Variants in SORCS2 observed in about 807,000 individuals in gnomAD.
SORCS2 encodes VPS10 domain-containing receptor SorCS2.
A neutral mutation model predicts 141.6 loss-of-function variants in SORCS2; 100 were observed. The ratio of observed to expected loss-of-function variants is 0.71; its 90% confidence interval spans 0.60 to 0.83. SORCS2 has a LOEUF of 0.83. Among genes scored for constraint, SORCS2 ranks in the 40% least tolerant of loss-of-function variants. The pLI is 0.00. For missense variants in SORCS2, 1,646 were observed against 1,560.2 expected (o/e 1.05, Z -0.93); for synonymous variants, 789 against 676.9 (o/e 1.17, Z -2.57).
At chr4:7,232,558 A>G (rs1398592163) in intron 1 of SORCS2, among the ~76,000 whole-genome samples, 3 of 152,164 alleles carry the variant, frequency 2.0e-5, no homozygotes, top group Admixed American at 6.5e-5. Flanking sequence ...TTTCCTGCCA[A>G]GCCTCGTGGT....
At chr4:7,519,935 C>G (rs1275263917) in intron 2 of SORCS2, among the ~76,000 whole-genome samples, 1 of 152,234 alleles carries the variant, frequency 6.6e-6, no homozygotes, top group East Asian at 1.9e-4. Flanking sequence ...GCATCAGTCA[C>G]TTGTAAAGGA....
intron 1 of SORCS2, among the ~76,000 whole-genome samples, chr4:7,278,076 G>T (rs2108853832): frequency 6.6e-6 from 1 of 152,322 alleles, no homozygotes; most frequent in Non-Finnish European, 1.5e-5. Context: ...ATTGGCTGAA[G>T]ATTGCAGAGC....
chr4:7,405,142 T>C (rs1017951542), intron 2 of SORCS2, among the ~76,000 whole-genome samples: 1 of 152,176 alleles, frequency 6.6e-6, no homozygotes, highest in Non-Finnish European at 1.5e-5. Flanking sequence ...TTTGTCAGCT[T>C]TGGCAAAAAT....
At chr4:7,551,107 C>T (rs1276319740) in intron 3 of SORCS2, among the ~76,000 whole-genome samples, 2 of 152,226 alleles carry the variant, frequency 1.3e-5, no homozygotes, top group Non-Finnish European at 2.9e-5. Context: ...CCATTGATTG[C>T]TTGCCATTTG....
chr4:7,333,969 C>A (rs1252331966), intron 1 of SORCS2, among the ~76,000 whole-genome samples: 1 of 152,062 alleles, frequency 6.6e-6, no homozygotes, highest in East Asian at 1.9e-4. Flanking sequence ...GGCCTAGCCT[C>A]CATACTCAGC....
intron 1 of SORCS2, among the ~76,000 whole-genome samples, chr4:7,388,494 A>G (rs958156179): frequency 6.6e-6 from 1 of 152,146 alleles, no homozygotes; most frequent in Non-Finnish European, 1.5e-5. Flanking sequence ...TCCAAATGTC[A>G]TGACTACTAA....
At chr4:7,300,931 C>G (rs1200835319) in intron 1 of SORCS2, among the ~76,000 whole-genome samples, 1 of 152,190 alleles carries the variant, frequency 6.6e-6, no homozygotes, top group East Asian at 1.9e-4. Flanking sequence ...CTTCCTGCCT[C>G]CGTGCCTGGG....
In SORCS2 at chr4:7,648,467, G is replaced by A. The variant is rs914877593; in HGVS notation, c.814-5667G>A. ...GCAGCGACCTTGGGACTCAGCCCCCGCCTTCCTCTGCCTGGGAGTATTTAT... is the reference window on the plus strand; with the variant it reads ...GCAGCGACCTTGGGACTCAGCCCCCACCTTCCTCTGCCTGGGAGTATTTAT... On this transcript the variant is annotated intron_variant, in intron 4 of 26. Transcript: ENST00000507866. This position sits in a 1 kb window ranked among gnomAD's most constrained non-coding sequence, Gnocchi z 4.2. Among the ~76,000 whole-genome samples, 8 of 152,152 alleles carry A rather than the reference G, an allele frequency of 5.3e-5. No individual in the cohort carries two copies. The highest frequency in any genetic ancestry group is 2.1e-4 in the South Asian group (1 of 4,830).
intron 1 of SORCS2, among the ~76,000 whole-genome samples, chr4:7,257,880 A>G (rs1714014106): frequency 6.6e-6 from 1 of 152,134 alleles, no homozygotes; most frequent in Admixed American, 6.5e-5. Flanking sequence ...GATGGGAGGA[A>G]GGCGAGGATG....
At chr4:7,202,553 G>C (rs570919174) in intron 1 of SORCS2, among the ~76,000 whole-genome samples, 53 of 152,312 alleles carry the variant, frequency 3.5e-4, no homozygotes, top group African/African-American at 1.2e-3. Flanking sequence ...TGCAAAAGCA[G>C]ATAATTTCCT....
intron 2 of SORCS2, among the ~76,000 whole-genome samples, chr4:7,440,887 G>A (rs1727617854): frequency 1.3e-5 from 2 of 152,314 alleles, no homozygotes; most frequent in Admixed American, 1.3e-4. Flanking sequence ...GGGTACTAGG[G>A]GCTCAATGGG....
At chr4:7,294,651 CT>C (rs1716834896) in intron 1 of SORCS2, among the ~76,000 whole-genome samples, 3 of 144,064 alleles carry the variant, frequency 2.1e-5, no homozygotes, top group African/African-American at 5.2e-5. Context: ...TTTCCTCCCC[CT>C]CTCCCTCTTC....
At chr4:7,341,597 G>A (rs915828781) in intron 1 of SORCS2, among the ~76,000 whole-genome samples, 1 of 152,226 alleles carries the variant, frequency 6.6e-6, no homozygotes, top group Non-Finnish European at 1.5e-5. Context: ...AGGCCAGAGG[G>A]CTCTGTGATG....
intron 2 of SORCS2, among the ~76,000 whole-genome samples, chr4:7,449,382 C>T (rs1728296513): frequency 8.5e-6 from 1 of 117,536 alleles, no homozygotes; most frequent in African/African-American, 3.3e-5. Context: ...CCCCTCCCTC[C>T]CTCCCTCCCA....
At chr4:7,665,871 C>T (rs1056745351) in intron 7 of SORCS2, among the ~76,000 whole-genome samples, 1 of 152,174 alleles carries the variant, frequency 6.6e-6, no homozygotes, top group Non-Finnish European at 1.5e-5. Flanking sequence ...AGCCTAAGAC[C>T]CCCGGAGCTC....
chr4:7,602,942 C>T (rs542311802), intron 3 of SORCS2, among the ~76,000 whole-genome samples: 10 of 152,350 alleles, frequency 6.6e-5, no homozygotes, highest in African/African-American at 1.7e-4. Context: ...AGATCACTCG[C>T]GGTCAGGAGC....
intron 3 of SORCS2, among the ~76,000 whole-genome samples, chr4:7,637,049 C>G (rs1720303183): frequency 6.6e-6 from 1 of 152,208 alleles, no homozygotes; most frequent in African/African-American, 2.4e-5. Flanking sequence ...TACCTCCCCT[C>G]TCCTTATAAG....
intron 2 of SORCS2, among the ~76,000 whole-genome samples, chr4:7,489,136 A>G (rs1731165211): frequency 6.6e-6 from 1 of 152,202 alleles, no homozygotes; most frequent in Non-Finnish European, 1.5e-5. Flanking sequence ...GGAGGCTGAA[A>G]TCCGTGCAAC....
chr4:7,646,554 A>G (rs1721093277), intron 4 of SORCS2, among the ~76,000 whole-genome samples: 1 of 152,156 alleles, frequency 6.6e-6, no homozygotes, highest in South Asian at 2.1e-4. Context: ...GATTGAGCCC[A>G]GGAGTTTCAG....
Sources: allele counts gnomAD v4.1 joint callset (sites outside exome capture counted in the v4.1 genomes callset), GRCh38; gene constraint gnomAD v4.1.1; non-coding constraint Gnocchi (gnomAD v3.1); transcripts MANE v1.5; gene names NCBI Gene and HGNC (gene_info 2026-07-23, HGNC 2026-07-21).